SEPTIN14: variants seen among roughly 807,000 people sequenced by gnomAD.
SEPTIN14 encodes the protein septin 14, also known as septin-14.
SEPTIN14 carries 40 observed loss-of-function variants against 53.6 expected under a neutral mutation model. The observed-to-expected ratio is 0.75, with a 90% CI of 0.58 to 0.97. The LOEUF is 0.97. SEPTIN14 is among the 50% of genes least tolerant of loss of function. SEPTIN14 has a pLI of 0.00. For missense variants in SEPTIN14, 471 were observed against 508.2 expected, an observed-to-expected ratio of 0.93 and a Z score of 0.70; for synonymous variants, 138 against 166.8, an observed-to-expected ratio of 0.83 and a Z score of 1.33.
At chr7:55,859,283 T>C (rs1293772336) in intron 2 of SEPTIN14, among the ~76,000 whole-genome samples, 3 of 152,238 alleles carry the variant, frequency 2.0e-5, no homozygotes, top group Non-Finnish European at 4.4e-5. Context: ...TTTGGTATAG[T>C]ATAAGATAAT....
At chr7:55,846,408 A>G in intron 3 of SEPTIN14, 109 bp downstream of exon 3, 1 of 747,040 alleles carries the variant, frequency 1.3e-6, no homozygotes, top group Non-Finnish European at 2.1e-6. Flanking sequence ...CACTGTAAAC[A>G]TGAAGATATA....
intron 5 of SEPTIN14, among the ~76,000 whole-genome samples, chr7:55,841,474 C>A (rs2116046588): frequency 6.6e-6 from 1 of 152,030 alleles, no homozygotes; most frequent in South Asian, 2.1e-4. Context: ...GTGGTTCACG[C>A]TTTGGGAGGC....
intron 3 of SEPTIN14, among the ~76,000 whole-genome samples, 189 bp from the exon 4 acceptor site, chr7:55,844,907 A>G (rs1237092070): frequency 9.2e-6 from 1 of 108,506 alleles, no homozygotes; most frequent in African/African-American, 5.1e-5. Flanking sequence ...AAAGGTACAA[A>G]GTTTCTTTTT....
intron 5 of SEPTIN14, among the ~76,000 whole-genome samples, chr7:55,837,267 T>C (rs1789228155): frequency 6.6e-6 from 1 of 151,810 alleles, no homozygotes; most frequent in Non-Finnish European, 1.5e-5. Context: ...AGGCACGTGC[T>C]GCCATGCCTG....
At chr7:55,843,719 G>A (rs1424551888) in intron 4 of SEPTIN14, among the ~76,000 whole-genome samples, 1 of 152,092 alleles carries the variant, frequency 6.6e-6, no homozygotes, top group South Asian at 2.1e-4. Context: ...GTAGTCCCAG[G>A]TACTCAGGAG....
chr7:55,851,774 C>A (rs549229565), intron 2 of SEPTIN14, among the ~76,000 whole-genome samples: 1 of 150,924 alleles, frequency 6.6e-6, no homozygotes, highest in Non-Finnish European at 1.5e-5. Flanking sequence ...TTTGGGAGGC[C>A]GAGGTGGGTG....
intron 6 of SEPTIN14, among the ~76,000 whole-genome samples, chr7:55,828,865 T>C (rs1279315484): frequency 6.6e-6 from 1 of 152,136 alleles, no homozygotes; most frequent in Non-Finnish European, 1.5e-5. Flanking sequence ...TGTACCTCTC[T>C]AGCAAGGCCA....
At chr7:55,836,698 A>C (rs1164365510) in intron 5 of SEPTIN14, among the ~76,000 whole-genome samples, 1 of 152,184 alleles carries the variant, frequency 6.6e-6, no homozygotes, top group Non-Finnish European at 1.5e-5. Context: ...AGATTGCGCC[A>C]TTGCACTCCA....
chr7:55,862,640 C>T (rs1789770238), intron 1 of SEPTIN14, 48 bp downstream of exon 1: 1 of 152,126 alleles, frequency 6.6e-6, no homozygotes, highest in South Asian at 2.1e-4. Flanking sequence ...TTTTCATTGC[C>T]ATATGCCAGG....
At position 55,806,792 on chromosome 7, in the gene SEPTIN14, T is replaced by C. The variant is rs1251802578; in HGVS notation, c.986+298A>G. On this transcript the variant is annotated intron_variant, in intron 8 of 9. Transcript: ENST00000388975. ...CTTTCTTTCACATAATACAGATACA[T>C]TTCATATAAATACAAAAAATGGAAC... Among the ~76,000 whole-genome samples, 5 of 152,152 alleles carry C rather than the reference T, an allele frequency of 3.3e-5. No individual in the cohort carries two copies. In the East Asian group the frequency reaches 9.6e-4, roughly 29 times the overall value.
chr7:55,823,925 C>T (rs938820367), intron 6 of SEPTIN14, among the ~76,000 whole-genome samples: 3 of 147,490 alleles, frequency 2.0e-5, no homozygotes, highest in Non-Finnish European at 4.4e-5. Flanking sequence ...GTGTCTCACT[C>T]TGTCACCCAG....
intron 1 of SEPTIN14, 134 bp from the exon 2 acceptor site, chr7:55,862,145 T>C: frequency 1.7e-6 from 1 of 597,912 alleles, no homozygotes; most frequent in Non-Finnish European, 2.9e-6. Flanking sequence ...ACTATTCATC[T>C]GTTTTAAACT....
chr7:55,857,829 C>T (rs1323401581), intron 2 of SEPTIN14, among the ~76,000 whole-genome samples: 4 of 150,972 alleles, frequency 2.6e-5, no homozygotes, highest in Non-Finnish European at 5.9e-5. Context: ...CCTCGTGATC[C>T]GCCCGCCTCG....
At chr7:55,850,186 G>T (rs1789494595) in intron 2 of SEPTIN14, among the ~76,000 whole-genome samples, 1 of 152,058 alleles carries the variant, frequency 6.6e-6, no homozygotes, top group African/African-American at 2.4e-5. Flanking sequence ...ATAAACACCT[G>T]ACAGGCCAGG....
chr7:55,824,070 CTT>C (rs1788943379), intron 6 of SEPTIN14, among the ~76,000 whole-genome samples: 2 of 152,078 alleles, frequency 1.3e-5, no homozygotes, highest in South Asian at 4.1e-4. Flanking sequence ...ATGCAGGTGA[CTT>C]TGAATTTAGC....
At chr7:55,816,234 T>C (rs1045727919) in intron 7 of SEPTIN14, among the ~76,000 whole-genome samples, 15 of 152,028 alleles carry the variant, frequency 9.9e-5, no homozygotes, top group Non-Finnish European at 1.6e-4. Flanking sequence ...TGGGGATAGT[T>C]GATGGGTACG....
intron 6 of SEPTIN14, among the ~76,000 whole-genome samples, chr7:55,831,240 C>G (rs1165818146): frequency 6.6e-6 from 1 of 151,816 alleles, no homozygotes; most frequent in East Asian, 1.9e-4. Context: ...AATAAAGAGT[C>G]CATTGCTAGG....
chr7:55,804,107 A>C (rs7799070), intron 9 of SEPTIN14, among the ~76,000 whole-genome samples: 1 of 135,984 alleles, frequency 7.4e-6, no homozygotes, highest in African/African-American at 2.8e-5. Flanking sequence ...CTGCACTCCA[A>C]CCTGGGTAAC....
chr7:55,819,197 C>T lies in SEPTIN14; in HGVS notation c.747G>A (p.Gly249=), dbSNP rs1366059579. Reference sequence around the variant, plus strand: ...TTCCAACTTTCACTTCATCTGTACTCCCTACCACAGCAAAGGGTAACAGCC... The same window carrying T: ...TTCCAACTTTCACTTCATCTGTACTTCCTACCACAGCAAAGGGTAACAGCC... ...VSGLLPFAVV[G]STDEVKVGKR... Residue 249 remains glycine (G), a synonymous_variant, in exon 7 of 10, where the codon GGG becomes GGA. Transcript: ENST00000388975. 1.9e-5 allele frequency: 30 copies of T among 1,576,334 alleles called. No homozygotes were observed. The highest frequency in any genetic ancestry group is 2.5e-5 in the Non-Finnish European group (29 of 1,159,840).
Sources: gnomAD v4.1 joint callset for allele counts (sites outside exome capture counted in the v4.1 genomes callset) on GRCh38, gnomAD v4.1.1 for gene constraint, MANE v1.5 for transcripts, NCBI Gene and HGNC (gene_info 2026-07-23, HGNC 2026-07-21) for gene names.